DST: variants seen among roughly 807,000 people sequenced by gnomAD.
DST encodes the protein bullous pemphigoid antigen.
A neutral mutation model predicts 875.2 loss-of-function variants in DST; 253 were observed. That is an observed-to-expected ratio of 0.29 (90% confidence interval 0.26 to 0.32). The LOEUF is 0.32. Ranked by LOEUF, DST falls within the 10% of genes least tolerant of loss-of-function variation. DST has a pLI of 1.00. For synonymous variants in DST, 3,124 were observed against 3,197.1 expected, an observed-to-expected ratio of 0.98 and a Z score of 0.77; for missense variants, 8,287 against 9,111.6, an observed-to-expected ratio of 0.91 and a Z score of 3.68.
Position 56,529,398 on chromosome 6 carries a change from A to G in DST, c.17595+50T>C, listed in dbSNP as rs532330756. The G allele has an allele frequency of 4.5e-6, 6 of 1,331,002 alleles. No homozygotes were observed. The African/African-American group carries it at 7.4e-5, about 16-fold the overall frequency. The allele number at this position is 1,331,002 out of a possible 1,614,324, so 82.4% of individuals were successfully genotyped here. ...TGTACAGAAATAAGGACTAAGAAAT[A>G]ATGACAATTGAAATGAAAAAATAAG... is the stretch of plus-strand genomic sequence containing the variant. On this transcript the variant is annotated intron_variant, in intron 66 of 103. Coordinates refer to ENST00000680361, the MANE Select transcript of DST (RefSeq NM_001374736.1).
At chr6:56,940,052 T>A (rs575150192) in intron 2 of DST, among the ~76,000 whole-genome samples, 1 of 151,868 alleles carries the variant, frequency 6.6e-6, no homozygotes, top group South Asian at 2.1e-4. Context: ...TATAAATAAG[T>A]CTAGCAGAAG....
intron 49 of DST, among the ~76,000 whole-genome samples, chr6:56,586,370 T>C (rs1235978832): frequency 3.3e-5 from 5 of 151,702 alleles, no homozygotes; most frequent in African/African-American, 1.2e-4. Context: ...TTGTCTCTTT[T>C]GATCTTTGTT....
Position 56,573,024 on chromosome 6 carries a change from T to C in DST, c.13277A>G (p.Asn4426Ser), listed in dbSNP as rs1184643529. The C allele has an allele frequency of 1.2e-6, 2 of 1,602,862 alleles. No homozygotes were observed. ...TTTCTTCACTTTTTCATTCATGGCA[T>C]TTATACTGCTCTGACGACCTGCAAT... ...QDIAGRQSSI[N>S]AMNEKVKKFM... The change falls in exon 52 of 104, where the codon AAT becomes AGT. Residue 4426 changes from asparagine to serine, a missense_variant. This residue lies in a region of DST where 1,513 missense variants were observed against 1,677.8 expected (regional missense o/e 0.90). Coordinates refer to ENST00000680361, the MANE Select transcript of DST (RefSeq NM_001374736.1).
chr6:56,921,641 T>G (rs1186811190), intron 2 of DST, among the ~76,000 whole-genome samples: 1 of 152,238 alleles, frequency 6.6e-6, no homozygotes, highest in Non-Finnish European at 1.5e-5. Context: ...ATTTTTCTCA[T>G]GTTGAAATCT....
chr6:56,564,635 T>C (rs1402604828), intron 55 of DST, among the ~76,000 whole-genome samples: 1 of 152,216 alleles, frequency 6.6e-6, no homozygotes, highest in Non-Finnish European at 1.5e-5. Flanking sequence ...AGAGAGGGCA[T>C]CCTTGTCTTG....
chr6:56,553,650 G>T lies in DST; in HGVS notation c.15142C>A (p.His5048Asn). ...CAGGCCGACTGAAGGTGCTGGACATGATTCTCTAGAAATAAAATTACAAGA... is the reference window on the plus strand; with the variant it reads ...CAGGCCGACTGAAGGTGCTGGACATTATTCTCTAGAAATAAAATTACAAGA... ...FKDVEQKAEN[H>N]VQHLQSACAS... The change falls in exon 61 of 104, where the codon CAT (histidine) becomes AAT (asparagine). Residue 5048 changes from histidine to asparagine, a missense_variant. Physicochemically the swap from His to Asn is moderately conservative, Grantham distance 68. Coordinates refer to ENST00000680361, the MANE Select transcript of DST (RefSeq NM_001374736.1). The T allele has an allele frequency of 6.2e-7, 1 of 1,608,046 alleles. No homozygotes were observed. Among genetic ancestry groups the T allele is most frequent in the Non-Finnish European group, 8.5e-7 (1 of 1,178,398 alleles).
Position 56,639,734 on chromosome 6 carries a change from T to G in DST, c.2659A>C (p.Lys887Gln), listed in dbSNP as rs748686690. The change falls in exon 20 of 104, where the codon AAG (lysine) becomes CAG (glutamine). Residue 887 changes from lysine to glutamine, a missense_variant. By Grantham distance (53) the Lys-to-Gln change is moderately conservative (BLOSUM62 1). Transcript: ENST00000680361. Reference sequence around the variant, plus strand: ...TACTGACTCTCTAATCTGTGCAACTTTTCTGCATAAGTCAGTTTAAGAGGT... The same window carrying G: ...TACTGACTCTCTAATCTGTGCAACTGTTCTGCATAAGTCAGTTTAAGAGGT... ...TAPLKLTYAE[K>Q]LHRLESQYAK... 2.5e-6 allele frequency: 4 copies of G among 1,613,852 alleles called. No individual in the cohort carries two copies. The South Asian group carries it at 4.4e-5, about 18-fold the overall frequency.
At chr6:56,470,056 T>C in intron 96 of DST, 72 bp downstream of exon 96, 2 of 1,601,804 alleles carry the variant, frequency 1.2e-6, no homozygotes, top group Non-Finnish European at 1.7e-6. Flanking sequence ...ATAAAATGGT[T>C]GTATGAATTG....
At chr6:56,870,806 A>T (rs183548448) in intron 3 of DST, among the ~76,000 whole-genome samples, 18 of 152,286 alleles carry the variant, frequency 1.2e-4, no homozygotes, top group Admixed American at 1.1e-3. Context: ...GAAACAACAG[A>T]CACAAATCCA....
chr6:56,785,603 G>A (rs2099703595), intron 4 of DST, among the ~76,000 whole-genome samples: 1 of 152,076 alleles, frequency 6.6e-6, no homozygotes, highest in African/African-American at 2.4e-5. Flanking sequence ...GATTTTCCAG[G>A]TGCCGTCTGT....
chr6:56,642,743 T>C, intron 15 of DST: 2 of 1,614,144 alleles, frequency 1.2e-6, no homozygotes, highest in African/African-American at 1.3e-5. Context: ...GTAGTGTTAC[T>C]AAACACAGAA....
At position 56,772,417 on chromosome 6, in the gene DST, G is replaced by C. The variant is rs190868389; in HGVS notation, c.626-37128C>G. 5.9e-5 allele frequency among the ~76,000 whole-genome samples: 9 copies of C among 152,258 alleles called. No individual in the cohort carries two copies. In the East Asian group the frequency reaches 1.5e-3, roughly 26 times the overall value. On this transcript the variant is annotated intron_variant, in intron 4 of 103. Transcript: ENST00000680361. ...GTGGGGCAGGAGACTGCATGGCAGA[G>C]CAGAAACGGCACATACTGCAAGCTA...
rs1360966681 is a variant in DST, at chr6:56,555,620, C to T, written c.14861G>A (p.Ser4954Asn). 3 of 1,614,026 alleles carry T rather than the reference C, an allele frequency of 1.9e-6. No homozygotes were observed. The highest frequency in any genetic ancestry group is 1.3e-5 in the African/African-American group (1 of 75,054). ...QAIVKSTQYQ[S>N]LLRSLSDKLS... ...TTTATCAGAAAGGCTTCTCAGCAGG[C>T]TTTGATACTGTGTGCTTTTAACAAT... The change falls in exon 60 of 104, where the codon AGC becomes AAC. Residue 4954 changes from serine to asparagine, a missense_variant. Ser to Asn is a conservative substitution (Grantham distance 46). Transcript: ENST00000680361.
intron 2 of DST, among the ~76,000 whole-genome samples, chr6:56,910,683 C>T (rs1798475204): frequency 6.6e-6 from 1 of 151,758 alleles, no homozygotes; most frequent in South Asian, 2.1e-4. Flanking sequence ...CAGGGTTTCA[C>T]CATGTTGGCC....
At chr6:56,741,152 C>T (rs989823332) in intron 4 of DST, among the ~76,000 whole-genome samples, 5 of 152,134 alleles carry the variant, frequency 3.3e-5, no homozygotes, top group African/African-American at 1.2e-4. Context: ...ATTAAGAAAG[C>T]TGATTTAATC....
In DST at chr6:56,486,362, CAAAAAAAAAAAAA is replaced by C. The variant is rs61164880; in HGVS notation, c.21047+729_21047+741del. ...TGGGTGACAGAGCGAGACTCCGTCT[CAAAAAAAAAAAAA>C]AAAAAAAAAAAAGGATTTTTTCAAA... On this transcript the variant is annotated intron_variant, in intron 87 of 103. Transcript: ENST00000680361. Among the ~76,000 whole-genome samples, 6 of 34,024 alleles carry C rather than the reference CAAAAAAAAAAAAA, an allele frequency of 1.8e-4. No homozygotes were observed. The East Asian group carries it at 5.7e-3, about 32-fold the overall frequency. The allele number at this position is 34,024 out of a possible 152,430, so 22.3% of individuals were successfully genotyped here. A position where few individuals can be genotyped will look rare whatever the true frequency, so the allele number is the denominator to read the frequency against.
chr6:56,611,054 CTGAG>C (rs1337282878), intron 38 of DST, among the ~76,000 whole-genome samples: 2 of 152,128 alleles, frequency 1.3e-5, no homozygotes, highest in Admixed American at 1.3e-4. Context: ...GATTCCTTCC[CTGAG>C]TGAAACACTG....
chr6:56,503,476 T>C (rs973655982), intron 78 of DST, among the ~76,000 whole-genome samples: 1 of 152,020 alleles, frequency 6.6e-6, no homozygotes, highest in Non-Finnish European at 1.5e-5. Context: ...AATGATGCTG[T>C]AGTGTATTGA....
intron 37 of DST, among the ~76,000 whole-genome samples, chr6:56,612,753 C>T (rs551468346): frequency 6.6e-6 from 1 of 152,296 alleles, no homozygotes; most frequent in African/African-American, 2.4e-5. Flanking sequence ...ATCAGCTGTT[C>T]TTAGACAGTT....
Sources: gnomAD v4.1 joint callset for allele counts (sites outside exome capture counted in the v4.1 genomes callset) on GRCh38, gnomAD v4.1.1 for gene constraint, gnomAD v4.1.1 regional missense constraint, MANE v1.5 for transcripts, NCBI Gene and HGNC (gene_info 2026-07-23, HGNC 2026-07-21) for gene names.